PLCE1: variants seen among roughly 807,000 people sequenced by gnomAD.
The protein encoded by PLCE1 is 1-phosphatidylinositol 4,5-bisphosphate phosphodiesterase epsilon-1.
In PLCE1, 119 loss-of-function variants were observed where a neutral mutation model predicts 242.8. That is an observed-to-expected ratio of 0.49 (90% CI 0.42 to 0.57). The LOEUF is 0.57. Among genes scored for constraint, PLCE1 ranks in the 20% least tolerant of loss-of-function variants. PLCE1 has a pLI of 0.00. For synonymous variants in PLCE1, 945 were observed against 1,017.4 expected (o/e 0.93, Z 1.35); for missense variants, 2,441 against 2,788.8 (o/e 0.88, Z 2.81).
At chr10:94,084,144 A>T (rs1054136674) in intron 2 of PLCE1, among the ~76,000 whole-genome samples, 4 of 152,242 alleles carry the variant, frequency 2.6e-5, no homozygotes, top group African/African-American at 9.6e-5. Context: ...AGCTGCCAGC[A>T]GTTTAGACTG....
Position 94,255,056 on chromosome 10 carries a change from C to G in PLCE1, c.3554+7C>G, listed in dbSNP as rs371574095. The G allele has an allele frequency of 1.2e-6, 2 of 1,613,688 alleles. No homozygotes were observed. Among genetic ancestry groups the G allele is most frequent in the African/African-American group, 2.7e-5 (2 of 74,888 alleles). On this transcript the variant is annotated splice_region_variant and intron_variant, in intron 11 of 32. Coordinates refer to ENST00000371380, the MANE Select transcript of PLCE1 (RefSeq NM_016341.4). ...CAAACAAGAGCCCATCCAGGTGGGG[C>G]CTTAACATGATAAAACAGAAGGACC...
chr10:94,141,529 GGGAAGGTGAAGGGAAGGCT>G (rs1226228363), intron 3 of PLCE1, among the ~76,000 whole-genome samples: 30 of 130,828 alleles, frequency 2.3e-4, no homozygotes, highest in Admixed American at 3.8e-4. Flanking sequence ...GGAAGGCTAA[GGGAAGGTGAAGGGAAGGCT>G]AAGGGAAGGT....
intron 23 of PLCE1, among the ~76,000 whole-genome samples, chr10:94,294,909 C>CTTTTTTTTTTTTT (rs766555881): frequency 9.9e-6 from 1 of 101,494 alleles, no homozygotes; most frequent in African/African-American, 3.9e-5. Flanking sequence ...CATGATAGAA[C>CTTTTTTTTTTTTT]TTTTTTTTTT....
intron 29 of PLCE1, among the ~76,000 whole-genome samples, chr10:94,321,103 A>G (rs914449613): frequency 1.3e-5 from 2 of 152,190 alleles, no homozygotes; most frequent in East Asian, 3.8e-4. Context: ...ATTTGTTTCA[A>G]TGTGGCTTAC....
chr10:94,094,068 A>C (rs1294346818), intron 2 of PLCE1, among the ~76,000 whole-genome samples: 1 of 142,718 alleles, frequency 7.0e-6, no homozygotes, highest in African/African-American at 2.7e-5. Flanking sequence ...CAGCCTCCCA[A>C]GTAGCTGGGA....
rs546686121 is a variant in PLCE1 at position 94,083,407 on chromosome 10, T to C, written c.1207-48767T>C. On this transcript the variant is annotated intron_variant, in intron 2 of 32. Transcript: ENST00000371380. Reference sequence around the variant, plus strand: ...CCATTTTTTTGGGGCCCACAACATATGCTTAACAGTTCCCTAAACAACTCT... The same window carrying C: ...CCATTTTTTTGGGGCCCACAACATACGCTTAACAGTTCCCTAAACAACTCT... 1.7e-3 allele frequency among the ~76,000 whole-genome samples: 253 copies of C among 152,260 alleles called. 1 individual carries two copies. Among genetic ancestry groups the C allele is most frequent in the African/African-American group, 5.8e-3 (243 of 41,548 alleles).
chr10:94,258,953 C>T (rs763469310), intron 12 of PLCE1, 31 bp downstream of exon 12: 1 of 1,614,024 alleles, frequency 6.2e-7, no homozygotes, highest in Middle Eastern at 1.6e-4. Flanking sequence ...CTTATTCTTT[C>T]TCAGGCCCCC....
At chr10:94,018,102 G>A (rs758486616) in intron 1 of PLCE1, among the ~76,000 whole-genome samples, 17 of 152,246 alleles carry the variant, frequency 1.1e-4, no homozygotes, top group South Asian at 4.1e-4. Flanking sequence ...GTTTGAAAAA[G>A]CATTTAGCAA....
At chr10:94,022,170 A>G (rs2061386112) in intron 1 of PLCE1, among the ~76,000 whole-genome samples, 1 of 152,002 alleles carries the variant, frequency 6.6e-6, no homozygotes, top group South Asian at 2.1e-4. Flanking sequence ...AATATTTGCT[A>G]GGAGTAATAA....
At chr10:94,119,154 A>G (rs2046229087) in intron 2 of PLCE1, among the ~76,000 whole-genome samples, 1 of 152,184 alleles carries the variant, frequency 6.6e-6, no homozygotes. Context: ...GCTGGTAGGT[A>G]ATGTGTACTT....
Position 94,308,634 on chromosome 10 carries a change from A to G in PLCE1, c.5938A>G (p.Ser1980Gly), listed in dbSNP as rs774371738. The G allele has an allele frequency of 8.7e-6, 14 of 1,613,662 alleles. No individual in the cohort carries two copies. The highest frequency in any genetic ancestry group is 1.2e-5 in the Non-Finnish European group (14 of 1,179,550). ...TCACAATGAAGTCTTGGAGATTTCT[A>G]GTTTATTCATTAACAGCAGAAGGAT... ...NLHNEVLEISSLFINSRRMEE... is the reference protein window; with the variant it reads ...NLHNEVLEISGLFINSRRMEE... The change falls in exon 27 of 33, where the codon AGT (serine) becomes GGT (glycine). Residue 1980 changes from serine to glycine, a missense_variant. By Grantham distance (56) the Ser-to-Gly change is moderately conservative. This residue lies in a region of PLCE1 where 1,004 missense variants were observed against 1,322.7 expected (regional missense o/e 0.76). Transcript: ENST00000371380.
chr10:94,161,267 G>A (rs1336846781), intron 3 of PLCE1, among the ~76,000 whole-genome samples: 1 of 152,112 alleles, frequency 6.6e-6, no homozygotes, highest in Non-Finnish European at 1.5e-5. Context: ...CCATTTTCAC[G>A]ATATTGATTC....
At chr10:94,242,359 A>C (rs1004163408) in intron 7 of PLCE1, among the ~76,000 whole-genome samples, 1 of 152,030 alleles carries the variant, frequency 6.6e-6, no homozygotes. Context: ...GCTGGAATGC[A>C]GTGGCACAAT....
In PLCE1 at chr10:94,246,434, C is replaced by G; in HGVS notation, c.2909C>G (p.Thr970Ser). Residue 970 changes from threonine (T) to serine (S), a missense_variant, in exon 8 of 33, where the codon ACT becomes AGT. Physicochemically the swap from Thr to Ser is moderately conservative, Grantham distance 58. Transcript: ENST00000371380. ...CTGGGTAGCATGTTCCTGTCAGAGA[C>G]TGGTGTGACATTGCTCTATGGGCTT... is the stretch of plus-strand genomic sequence containing the variant. ...NKLGSMFLSETGVTLLYGLQT... is the reference protein window; with the variant it reads ...NKLGSMFLSESGVTLLYGLQT... The G allele has an allele frequency of 6.2e-7, 1 of 1,614,190 alleles. No individual in the cohort carries two copies. The highest frequency in any genetic ancestry group is 8.5e-7 in the Non-Finnish European group (1 of 1,180,004).
intron 24 of PLCE1, among the ~76,000 whole-genome samples, chr10:94,302,335 T>A (rs2053067277): frequency 6.6e-6 from 1 of 152,222 alleles, no homozygotes; most frequent in Admixed American, 6.5e-5. Context: ...CATGTTTACC[T>A]ATGTAACAAA....
At chr10:94,117,006 G>A (rs2046152740) in intron 2 of PLCE1, among the ~76,000 whole-genome samples, 1 of 152,182 alleles carries the variant, frequency 6.6e-6, no homozygotes. Context: ...CTGTCTTATA[G>A]TGTATCATGG....
intron 5 of PLCE1, among the ~76,000 whole-genome samples, chr10:94,228,006 C>T (rs924027881): frequency 1.4e-4 from 21 of 152,158 alleles, no homozygotes; most frequent in Admixed American, 1.2e-3. Flanking sequence ...TATTCTTATT[C>T]CCACATTATA....
At chr10:94,071,494 C>CTTTTT (rs2044351149) in intron 2 of PLCE1, among the ~76,000 whole-genome samples, 1 of 69,212 alleles carries the variant, frequency 1.4e-5, no homozygotes, top group Non-Finnish European at 2.4e-5. Flanking sequence ...GTTTGGTTTT[C>CTTTTT]GTTTTTTTTT....
chr10:94,247,597 G>A (rs2050732553), intron 8 of PLCE1, among the ~76,000 whole-genome samples: 1 of 152,168 alleles, frequency 6.6e-6, no homozygotes, highest in Non-Finnish European at 1.5e-5. Context: ...CCTAATTGTA[G>A]AGGTGAGGGG....
Sources: allele counts gnomAD v4.1 joint callset (sites outside exome capture counted in the v4.1 genomes callset), GRCh38; gene constraint gnomAD v4.1.1; regional missense constraint gnomAD v4.1.1; transcripts MANE v1.5; gene names NCBI Gene and HGNC (gene_info 2026-07-23, HGNC 2026-07-21).